The following POLR3GL variants were observed in gnomAD, a reference collection of about 807,000 sequenced individuals.
The protein encoded by POLR3GL is DNA-directed RNA polymerase III subunit RPC7-like.
In POLR3GL, 26 loss-of-function variants were observed where a neutral mutation model predicts 32.4. That is an observed-to-expected ratio of 0.80 (90% CI 0.59 to 1.11). The LOEUF (loss-of-function observed/expected upper bound fraction) is 1.11. Ranked by LOEUF, POLR3GL falls within the 50% of genes most tolerant of loss-of-function variation. The pLI, the probability that POLR3GL is intolerant of heterozygous loss-of-function variation, is 0.00. For missense variants in POLR3GL, 229 were observed against 280.1 expected (o/e 0.82, Z 1.30); for synonymous variants, 95 against 98.7 (o/e 0.96, Z 0.22).
chr1:145,975,121 G>A lies in POLR3GL; in HGVS notation c.126+130G>A, dbSNP rs371405544. 1.3e-3 allele frequency: 1,680 copies of A among 1,331,192 alleles called. 27 individuals carry two copies. The South Asian group carries it at 0.024, about 19-fold the overall frequency. 82.5% of individuals were successfully genotyped at this position (1,331,192 alleles called of 1,614,324 possible). ...TCTCTCTATACTCCCAATGCACAGG[G>A]ATGTTTTGCAGGCAAAGAAGTGTCC... is the stretch of plus-strand genomic sequence containing the variant. On this transcript the variant is annotated intron_variant, in intron 2 of 7. Coordinates refer to ENST00000369314, the MANE Select transcript of POLR3GL (RefSeq NM_032305.3).
chr1:145,973,363 G>A (rs908925504), intron 1 of POLR3GL, among the ~76,000 whole-genome samples: 3 of 151,842 alleles, frequency 2.0e-5, no homozygotes, highest in Non-Finnish European at 4.4e-5. Flanking sequence ...TACTGTCTTG[G>A]GGGGAGAATG....
chr1:145,969,628 A>G (rs1650188745), intron 1 of POLR3GL, among the ~76,000 whole-genome samples: 1 of 150,296 alleles, frequency 6.7e-6, no homozygotes, highest in Admixed American at 6.6e-5. Context: ...AAAACAAAGC[A>G]TACATAACCT....
rs184366160 is a variant in POLR3GL, at chr1:145,978,730, T to C, written c.*283T>C. 53 of 427,088 alleles carry C rather than the reference T, an allele frequency of 1.2e-4. No homozygotes were observed. The East Asian group carries it at 1.8e-3, about 15-fold the overall frequency. The allele number at this position is 427,088 out of a possible 1,614,324, so 26.5% of individuals were successfully genotyped here. A position where few individuals can be genotyped will look rare whatever the true frequency, so the allele number is the denominator to read the frequency against. The stretch of plus-strand genomic sequence containing the variant: ...AGAACTGGGGTTGTTAGAGCTGAGA[T>C]GACTGTACACATACCCCTGCCCAAT... On this transcript the variant is annotated 3_prime_UTR_variant, in exon 8 of 8. Coordinates refer to ENST00000369314, the MANE Select transcript of POLR3GL (RefSeq NM_032305.3).
rs1571000890 is a variant in POLR3GL, at chr1:145,977,077, C to A, written c.257-7C>A. On this transcript the variant is annotated splice_polypyrimidine_tract_variant and splice_region_variant and intron_variant, in intron 3 of 7. Transcript: ENST00000369314. ...AGGGATAAAACTTTGACCCTTCCACCCCTCAGATGTGGAGCGTTATTCAGA... is the reference window on the plus strand; with the variant it reads ...AGGGATAAAACTTTGACCCTTCCACACCTCAGATGTGGAGCGTTATTCAGA... 2 of 1,612,616 alleles carry A rather than the reference C, an allele frequency of 1.2e-6. No individual in the cohort carries two copies. The highest frequency in any genetic ancestry group is 4.5e-5 in the East Asian group (2 of 44,880).
chr1:145,965,243 T>G (rs1049839883), intron 1 of POLR3GL, among the ~76,000 whole-genome samples: 11 of 152,206 alleles, frequency 7.2e-5, no homozygotes, highest in Non-Finnish European at 1.2e-4. Flanking sequence ...GTAGGACAGG[T>G]GCTAGTAGTT....
Position 145,978,445 on chromosome 1 carries a change from TGAA to T in POLR3GL, c.*3_*5del, listed in dbSNP as rs1172399889. The T allele has an allele frequency of 1.3e-6, 2 of 1,592,360 alleles. No homozygotes were observed. The highest frequency in any genetic ancestry group is 1.7e-6 in the Non-Finnish European group (2 of 1,160,420). Reference sequence around the variant, plus strand: ...TGACAATATGGACGAGGCTATATACTGAAGAAGGACTCTGGACCCTCGTGTCTT... The same window carrying T: ...TGACAATATGGACGAGGCTATATACTGAAGGACTCTGGACCCTCGTGTCTT... On this transcript the variant is annotated stop_retained_variant and 3_prime_UTR_variant, in exon 8 of 8. Transcript: ENST00000369314.
intron 5 of POLR3GL, 52 bp downstream of exon 5, chr1:145,977,591 T>C: frequency 2.6e-6 from 4 of 1,544,304 alleles, no homozygotes; most frequent in Non-Finnish European, 3.6e-6. Context: ...TTCATCAGCC[T>C]GAGGGCCGAG....
intron 1 of POLR3GL, among the ~76,000 whole-genome samples, chr1:145,969,291 AG>A (rs1650173197): frequency 6.6e-6 from 1 of 151,340 alleles, no homozygotes; most frequent in Non-Finnish European, 1.5e-5. Context: ...TTTGAGACAC[AG>A]TCTCGCTCTT....
chr1:145,969,326 G>A lies in POLR3GL; in HGVS notation c.-42+4558G>A, dbSNP rs587722829. The stretch of plus-strand genomic sequence containing the variant: ...TTTTGCCAGTCTGGAGTGCAGTGGC[G>A]CCATCTCGGCTCACTGCAACCTCCA... On this transcript the variant is annotated intron_variant, in intron 1 of 7. Transcript: ENST00000369314. 3.3e-5 allele frequency among the ~76,000 whole-genome samples: 5 copies of A among 151,834 alleles called. No homozygotes were observed. The South Asian group carries it at 1.0e-3, about 32-fold the overall frequency.
rs1206867198 is a variant in POLR3GL, at chr1:145,972,013, C to CGT, written c.-41-2795_-41-2794dup. Among the ~76,000 whole-genome samples the CGT allele has an allele frequency of 6.3e-3, 615 of 97,376 alleles. 4 individuals are homozygous for CGT. Among genetic ancestry groups the CGT allele is most frequent in the African/African-American group, 0.013 (286 of 21,308 alleles). 63.9% of individuals were successfully genotyped at this position (97,376 alleles called of 152,430 possible). A position where few individuals can be genotyped will look rare whatever the true frequency, so the allele number is the denominator to read the frequency against. On this transcript the variant is annotated intron_variant, in intron 1 of 7. Transcript: ENST00000369314. ...AAATATATATATATATATATATATA[C>CGT]GTGTGTGTGTGTGTGTGTATATATA...
At chr1:145,974,470 C>T (rs1650460641) in intron 1 of POLR3GL, among the ~76,000 whole-genome samples, 1 of 152,160 alleles carries the variant, frequency 6.6e-6, no homozygotes, top group Admixed American at 6.5e-5. Flanking sequence ...ACTGTGATTG[C>T]ACCATTGCAC....
At position 145,972,329 on chromosome 1, in the gene POLR3GL, G is replaced by A. The variant is rs934661183; in HGVS notation, c.-41-2496G>A. Among the ~76,000 whole-genome samples, 4 of 150,482 alleles carry A rather than the reference G, an allele frequency of 2.7e-5. No individual in the cohort carries two copies. In the South Asian group the frequency reaches 6.3e-4, roughly 24 times the overall value. ...CGGGAGGTGGAGGTTGCAGCGAGCC[G>A]AGATCGTGCCGTTGTACTCCAGCCT... On this transcript the variant is annotated intron_variant, in intron 1 of 7. Coordinates refer to ENST00000369314, the MANE Select transcript of POLR3GL (RefSeq NM_032305.3).
At chr1:145,975,836 A>G (rs1469868671) in intron 3 of POLR3GL, among the ~76,000 whole-genome samples, 2 of 152,138 alleles carry the variant, frequency 1.3e-5, no homozygotes, top group Non-Finnish European at 2.9e-5. Flanking sequence ...TGCGCCCAGC[A>G]AAATTTTTAA....
chr1:145,970,859 G>C (rs1361275554), intron 1 of POLR3GL, among the ~76,000 whole-genome samples: 6 of 102,846 alleles, frequency 5.8e-5, no homozygotes, highest in Non-Finnish European at 7.1e-5. Flanking sequence ...CGGGCAACAA[G>C]AGCGAAACTC....
rs187006796 is a variant in POLR3GL, at chr1:145,966,798, T to A, written c.-42+2030T>A. On this transcript the variant is annotated intron_variant, in intron 1 of 7. Coordinates refer to ENST00000369314, the MANE Select transcript of POLR3GL (RefSeq NM_032305.3). Reference sequence around the variant, plus strand: ...GAGTGAAACTGTCTCAAAAAAAAAATAATAAAATAAAAAGAACATAAATAA... The same window carrying A: ...GAGTGAAACTGTCTCAAAAAAAAAAAAATAAAATAAAAAGAACATAAATAA... Among the ~76,000 whole-genome samples the A allele has an allele frequency of 4.7e-3, 710 of 151,488 alleles. 2 individuals are homozygous for A. Among genetic ancestry groups the A allele is most frequent in the Admixed American group, 7.9e-3 (120 of 15,238 alleles).
At chr1:145,971,365 T>C (rs1650285213) in intron 1 of POLR3GL, among the ~76,000 whole-genome samples, 1 of 152,038 alleles carries the variant, frequency 6.6e-6, no homozygotes, top group African/African-American at 2.4e-5. Flanking sequence ...TTGTCACGTC[T>C]CCTTAGGCTC....
chr1:145,965,720 T>A (rs1649988443), intron 1 of POLR3GL, among the ~76,000 whole-genome samples: 1 of 152,198 alleles, frequency 6.6e-6, no homozygotes, highest in Non-Finnish European at 1.5e-5. Context: ...CTCTTGTAGA[T>A]CATTCAATTT....
At chr1:145,978,215 T>A in intron 7 of POLR3GL, 119 bp downstream of exon 7, 1 of 1,391,982 alleles carries the variant, frequency 7.2e-7, no homozygotes. Flanking sequence ...GGGGCTTCTC[T>A]CTACTTCATC....
At chr1:145,968,282 A>C (rs1411884169) in intron 1 of POLR3GL, among the ~76,000 whole-genome samples, 1 of 152,168 alleles carries the variant, frequency 6.6e-6, no homozygotes, top group Non-Finnish European at 1.5e-5. Context: ...CTCCCTATAG[A>C]TTCCTAAGAT....
Sources: gnomAD v4.1 joint callset for allele counts (sites outside exome capture counted in the v4.1 genomes callset) on GRCh38, gnomAD v4.1.1 for gene constraint, MANE v1.5 for transcripts, NCBI Gene and HGNC (gene_info 2026-07-23, HGNC 2026-07-21) for gene names.